Variants in SLF2 observed in about 807,000 individuals in gnomAD.
The protein encoded by SLF2 is SMC5-SMC6 complex localization factor protein 2.
Under a neutral mutation model 124.3 loss-of-function variants are expected in SLF2, and 68 were observed. The observed-to-expected ratio is 0.55, with a 90% CI of 0.45 to 0.67. SLF2 has a LOEUF of 0.67. Among genes scored for constraint, SLF2 ranks in the 30% least tolerant of loss-of-function variants. SLF2 has a pLI of 0.00. For synonymous variants in SLF2, 480 were observed against 478.8 expected (o/e 1.00, Z -0.03); for missense variants, 1,246 against 1,373.7 (o/e 0.91, Z 1.47).
chr10:100,964,902 G>C lies in SLF2; in HGVS notation c.*2990G>C, dbSNP rs1850482480. 2 of 152,404 alleles carry C rather than the reference G, an allele frequency of 1.3e-5. No homozygotes were observed. The allele number at this position is 152,404 out of a possible 1,614,324, so 9.4% of individuals were successfully genotyped here. A position where few individuals can be genotyped will look rare whatever the true frequency, so the allele number is the denominator to read the frequency against. On this transcript the variant is annotated 3_prime_UTR_variant, in exon 20 of 20. Coordinates refer to ENST00000238961, the MANE Select transcript of SLF2 (RefSeq NM_018121.4). ...GGCGGCGGGGCACGTAGAGCAGTTA[G>C]CATGATCCATGGTTATTCCTTACTC...
intron 11 of SLF2, 48 bp downstream of exon 11, chr10:100,938,784 C>T (rs762586724): frequency 1.4e-6 from 2 of 1,480,004 alleles, no homozygotes; most frequent in Non-Finnish European, 1.8e-6. Context: ...TTTCGTACGA[C>T]TTATATATAA....
chr10:100,930,459 A>G (rs1041925172), intron 8 of SLF2, among the ~76,000 whole-genome samples: 27 of 152,202 alleles, frequency 1.8e-4, no homozygotes, highest in Admixed American at 9.2e-4. Flanking sequence ...AACTTAGTCA[A>G]TATGACCACA....
At chr10:100,916,131 T>C (rs542701122) in intron 2 of SLF2, 89 bp downstream of exon 2, 1 of 954,530 alleles carries the variant, frequency 1.0e-6, no homozygotes, top group South Asian at 1.9e-5. Context: ...CTAAACTGTT[T>C]TAGTAAACGT....
intron 4 of SLF2, among the ~76,000 whole-genome samples, chr10:100,923,596 A>C (rs1849558163): frequency 6.6e-6 from 1 of 152,056 alleles, no homozygotes; most frequent in Non-Finnish European, 1.5e-5. Flanking sequence ...CTATACATTT[A>C]AATGTAGAAG....
intron 18 of SLF2, 96 bp downstream of exon 18, chr10:100,956,633 G>T: frequency 1.3e-5 from 11 of 874,272 alleles, no homozygotes; most frequent in Non-Finnish European, 1.9e-5. Context: ...TTCAGAAAAA[G>T]AACATATAAG....
chr10:100,913,374 G>T (rs1448515023), intron 1 of SLF2, 124 bp downstream of exon 1: 2 of 1,367,698 alleles, frequency 1.5e-6, no homozygotes. Flanking sequence ...GCATTTCGGG[G>T]CCTGGCAAAT....
chr10:100,919,811 C>G (rs1292087341), intron 4 of SLF2, among the ~76,000 whole-genome samples: 1 of 152,182 alleles, frequency 6.6e-6, no homozygotes. Context: ...TCGTTTGAAC[C>G]TCATAACTTT....
intron 17 of SLF2, among the ~76,000 whole-genome samples, chr10:100,954,941 CTTTTTTTT>C (rs753768937): frequency 1.5e-5 from 2 of 137,094 alleles, no homozygotes; most frequent in Non-Finnish European, 3.1e-5. Flanking sequence ...GCAAGACTCT[CTTTTTTTT>C]TTTTTTTTGA....
In SLF2 at chr10:100,946,892, A is replaced by T. The variant is rs1589962415; in HGVS notation, c.2935-147A>T. On this transcript the variant is annotated intron_variant, in intron 13 of 19. Transcript: ENST00000238961. ...ATCTGTGTATTGTGTACATTTTAGC[A>T]GATTCTAGACTCCATGCTATTTCTA... 3 of 621,358 alleles carry T rather than the reference A, an allele frequency of 4.8e-6. No homozygotes were observed. The East Asian group carries it at 8.5e-5, about 18-fold the overall frequency. The allele number at this position is 621,358 out of a possible 1,614,324, so 38.5% of individuals were successfully genotyped here. A position where few individuals can be genotyped will look rare whatever the true frequency, so the allele number is the denominator to read the frequency against.
At chr10:100,924,999 T>A in intron 5 of SLF2, 27 bp downstream of exon 5, 1 of 1,567,030 alleles carries the variant, frequency 6.4e-7, no homozygotes, top group Non-Finnish European at 8.6e-7. Flanking sequence ...CGTTTATCTT[T>A]ACTTGAAGAG....
chr10:100,920,739 C>T (rs151085879), intron 4 of SLF2, among the ~76,000 whole-genome samples: 3,530 of 152,204 alleles, frequency 0.023, 125 homozygotes, highest in African/African-American at 0.079. Flanking sequence ...CACCTGAGGT[C>T]AGGAGTTCGA....
chr10:100,937,507 G>C, intron 10 of SLF2, 30 bp downstream of exon 10: 1 of 1,303,916 alleles, frequency 7.7e-7, no homozygotes, highest in Non-Finnish European at 1.1e-6. Context: ...AAGATTTACC[G>C]TGTGTATTAT....
At chr10:100,922,776 A>ATTT (rs201403883) in intron 4 of SLF2, among the ~76,000 whole-genome samples, 1 of 140,502 alleles carries the variant, frequency 7.1e-6, no homozygotes, top group East Asian at 2.1e-4. Context: ...GTTAAAGTGA[A>ATTT]TTTTTTTTTT....
intron 9 of SLF2, among the ~76,000 whole-genome samples, chr10:100,935,096 T>G (rs1849817966): frequency 1.3e-5 from 2 of 152,160 alleles, no homozygotes; most frequent in South Asian, 4.1e-4. Context: ...AAAAATTGTC[T>G]TGTAAAAAGT....
At chr10:100,943,952 G>A (rs947870430) in intron 11 of SLF2, 74 bp from the exon 12 acceptor site, 2 of 895,118 alleles carry the variant, frequency 2.2e-6, no homozygotes, top group Non-Finnish European at 3.4e-6. Flanking sequence ...TTTTTAAAAA[G>A]TAGCCCAGAA....
At chr10:100,947,924 G>A (rs1850136070) in intron 15 of SLF2, 77 bp downstream of exon 15, 19 of 1,058,094 alleles carry the variant, frequency 1.8e-5, no homozygotes, top group Non-Finnish European at 2.6e-5. Flanking sequence ...TGAACCCTAA[G>A]TCAAAGGTCC....
intron 8 of SLF2, among the ~76,000 whole-genome samples, chr10:100,930,415 C>T (rs1849709386): frequency 6.6e-6 from 1 of 152,186 alleles, no homozygotes; most frequent in Non-Finnish European, 1.5e-5. Flanking sequence ...AAATTCCACA[C>T]AGCATTCCCA....
At chr10:100,959,669 T>G (rs1850393695) in intron 19 of SLF2, 173 bp downstream of exon 19, 3 of 1,153,422 alleles carry the variant, frequency 2.6e-6, no homozygotes, top group African/African-American at 1.6e-5. Flanking sequence ...TTTCGTTTGC[T>G]TTATATTCAT....
chr10:100,915,449 G>T (rs1849396293), intron 1 of SLF2, among the ~76,000 whole-genome samples: 1 of 152,194 alleles, frequency 6.6e-6, no homozygotes, highest in Admixed American at 6.5e-5. Context: ...CACCTGTATT[G>T]CCATTCTACC....
Sources: gnomAD v4.1 joint callset for allele counts (sites outside exome capture counted in the v4.1 genomes callset) on GRCh38, gnomAD v4.1.1 for gene constraint, MANE v1.5 for transcripts, NCBI Gene and HGNC (gene_info 2026-07-23, HGNC 2026-07-21) for gene names.